Variants in SON observed in about 807,000 individuals in gnomAD.
SON encodes the protein protein SON.
In SON, 4 loss-of-function variants were observed where a neutral mutation model predicts 173.3. The observed-to-expected ratio is 0.02, with a 90% CI of 0.01 to 0.05. The LOEUF (loss-of-function observed/expected upper bound fraction) is 0.05. SON is among the 10% of genes least tolerant of loss of function. The probability of loss-of-function intolerance (pLI) is 1.00; values close to 1 mark genes in which losing one functional copy is unlikely to be tolerated. For missense variants in SON, 2,626 were observed against 3,055.3 expected (o/e 0.86, Z 3.31); for synonymous variants, 1,190 against 1,105.9 (o/e 1.08, Z -1.51).
In SON at chr21:33,554,746, C is replaced by T. The variant is rs2085920003; in HGVS notation, c.5515C>T (p.Arg1839Cys). ...SKSSEHKSRKRTSESRSRARK... is the reference protein window; with the variant it reads ...SKSSEHKSRKCTSESRSRARK... ...ATCTTCTGAACACAAATCACGCAAG[C>T]GTACCAGTGAATCTCGTTCTAGGGC... Residue 1839 changes from arginine to cysteine, a missense_variant, in exon 3 of 12, where the codon CGT (arginine) becomes TGT (cysteine). Arg to Cys is a radical substitution (Grantham distance 180). Coordinates refer to ENST00000356577, the MANE Select transcript of SON (RefSeq NM_138927.4). The T allele has an allele frequency of 1.4e-5, 23 of 1,613,842 alleles. No homozygotes were observed. The highest frequency in any genetic ancestry group is 1.9e-5 in the Non-Finnish European group (22 of 1,180,036).
In SON at chr21:33,552,970, A is replaced by G; in HGVS notation, c.3739A>G (p.Thr1247Ala). ...AGTTTTAGTATCAGAGGCTGCTGTG[A>G]CTGTTCCAGAACCACCACCAGAGCC... ...PSVLVSEAAV[T>A]VPEPPPEPES... Residue 1247 changes from threonine to alanine, a missense_variant, in exon 3 of 12, where the codon ACT becomes GCT. By Grantham distance (58) the Thr-to-Ala change is moderately conservative. Coordinates refer to ENST00000356577, the MANE Select transcript of SON (RefSeq NM_138927.4). The surrounding 1 kb of genome is among the most constrained non-coding windows in gnomAD (Gnocchi z 5.6). 1 of 1,614,162 alleles carries G rather than the reference A, an allele frequency of 6.2e-7. No individual in the cohort carries two copies. The highest frequency in any genetic ancestry group is 8.5e-7 in the Non-Finnish European group (1 of 1,180,008).
chr21:33,550,616 G>A lies in SON; in HGVS notation c.1385G>A (p.Gly462Glu), dbSNP rs746730344. 6.2e-7 allele frequency: 1 copy of A among 1,613,762 alleles called. No individual in the cohort carries two copies. The highest frequency in any genetic ancestry group is 8.5e-7 in the Non-Finnish European group (1 of 1,179,906). The stretch of plus-strand genomic sequence containing the variant: ...CCAGGGCTTCCAGCACCATCCATGG[G>A]GTTGGAGCCACCACAGGAGGTACCA... ...ELPGLPAPSMGLEPPQEVPEP... is the reference protein window; with the variant it reads ...ELPGLPAPSMELEPPQEVPEP... The change falls in exon 3 of 12, where the codon GGG (glycine) becomes GAG (glutamate). Residue 462 changes from glycine to glutamate, a missense_variant. This residue lies in a region of SON where 757 missense variants were observed against 730.1 expected (regional missense o/e 1.04). Coordinates refer to ENST00000356577, the MANE Select transcript of SON (RefSeq NM_138927.4).
In SON at chr21:33,551,422, A is replaced by G. The variant is rs1416371859; in HGVS notation, c.2191A>G (p.Met731Val). The change falls in exon 3 of 12, where the codon ATG (methionine) becomes GTG (valine). Residue 731 changes from methionine to valine, a missense_variant. Transcript: ENST00000356577. The stretch of plus-strand genomic sequence containing the variant: ...GACCCATATATTAGCATCCAACACC[A>G]TGGACTCCCAAATGCTAGCGTCCAA... ...METHILASNT[M>V]DSQMLASNTM... 4.3e-6 allele frequency: 7 copies of G among 1,614,072 alleles called. No individual in the cohort carries two copies. Among genetic ancestry groups the G allele is most frequent in the Admixed American group, 1.7e-5 (1 of 60,018 alleles).
Position 33,559,047 on chromosome 21 carries a change from G to T in SON, c.6322-183G>T. On this transcript the variant is annotated intron_variant, in intron 4 of 11. Transcript: ENST00000356577. The surrounding 1 kb of genome is among the most constrained non-coding windows in gnomAD (Gnocchi z 4.1). The stretch of plus-strand genomic sequence containing the variant: ...ACATAGTAGGTGCTCAATAAATGTT[G>T]TTGACTGACTGACCAGCCAGAGTGT... The T allele has an allele frequency of 2.7e-5, 9 of 328,040 alleles. No individual in the cohort carries two copies. The highest frequency in any genetic ancestry group is 5.5e-5 in the Admixed American group (1 of 18,162). 20.3% of individuals were successfully genotyped at this position (328,040 alleles called of 1,614,324 possible). A position where few individuals can be genotyped will look rare whatever the true frequency, so the allele number is the denominator to read the frequency against.
rs150183857 is a variant in SON at position 33,543,873 on chromosome 21, T to C, written c.77+704T>C. The stretch of plus-strand genomic sequence containing the variant: ...GTGTGTAGGTCTATTATTTTCTTGC[T>C]ACCCCTGCCCCAGTTGACACGCTAT... On this transcript the variant is annotated intron_variant, in intron 1 of 11. Coordinates refer to ENST00000356577, the MANE Select transcript of SON (RefSeq NM_138927.4). 3.3e-5 allele frequency among the ~76,000 whole-genome samples: 5 copies of C among 152,270 alleles called. No individual in the cohort carries two copies. In the East Asian group the frequency reaches 7.7e-4, roughly 24 times the overall value.
Position 33,575,577 on chromosome 21 carries a change from G to C in SON, c.7034-19G>C, listed in dbSNP as rs575544299. On this transcript the variant is annotated intron_variant, in intron 9 of 11. Coordinates refer to ENST00000356577, the MANE Select transcript of SON (RefSeq NM_138927.4). ...AGTGGTGCTTTGAAATTTATTTAGT[G>C]AACAATTTTTTTTTAAAGGTCTTGT... is the stretch of plus-strand genomic sequence containing the variant. 58 of 1,594,886 alleles carry C rather than the reference G, an allele frequency of 3.6e-5. No homozygotes were observed. The South Asian group carries it at 6.4e-4, about 18-fold the overall frequency.
chr21:33,543,455 T>G (rs1302143472), intron 1 of SON: 10 of 439,268 alleles, frequency 2.3e-5, no homozygotes, highest in Non-Finnish European at 4.2e-5. Flanking sequence ...CCCTGCCGTT[T>G]AGCTACTCGT....
rs777323312 is a variant in SON at position 33,551,853 on chromosome 21, A to G, written c.2622A>G (p.Gln874=). The change falls in exon 3 of 12, where the codon CAA becomes CAG. Residue 874 remains glutamine, a synonymous_variant. Transcript: ENST00000356577. ...TAGCATCTGGCACTATGGACTCTCAAATGTTAGCTTCTGGCACCATGGATG... is the reference window on the plus strand; with the variant it reads ...TAGCATCTGGCACTATGGACTCTCAGATGTTAGCTTCTGGCACCATGGATG... ...QMLASGTMDS[Q]MLASGTMDAQ... is the part of the protein sequence containing the mutation. 14 of 1,613,556 alleles carry G rather than the reference A, an allele frequency of 8.7e-6. No individual in the cohort carries two copies. In the East Asian group the frequency reaches 2.2e-4, roughly 26 times the overall value.
Position 33,554,039 on chromosome 21 carries a change from C to T in SON, c.4808C>T (p.Pro1603Leu), listed in dbSNP as rs777872614. ...LSSTGPFALE[P>L]DATGTSKGIE... ...TCTACTGGTCCTTTTGCTCTGGAACCTGATGCAACAGGAACTAGTAAGGGT... is the reference window on the plus strand; with the variant it reads ...TCTACTGGTCCTTTTGCTCTGGAACTTGATGCAACAGGAACTAGTAAGGGT... The change falls in exon 3 of 12, where the codon CCT becomes CTT. Residue 1603 changes from proline to leucine, a missense_variant. Coordinates refer to ENST00000356577, the MANE Select transcript of SON (RefSeq NM_138927.4). 40 of 1,613,974 alleles carry T rather than the reference C, an allele frequency of 2.5e-5. No individual in the cohort carries two copies. The highest frequency in any genetic ancestry group is 3.2e-5 in the Non-Finnish European group (38 of 1,180,024).
rs2086386326 is a variant in SON at position 33,575,774 on chromosome 21, G to A, written c.7106-4G>A. On this transcript the variant is annotated splice_region_variant and splice_polypyrimidine_tract_variant and intron_variant, in intron 10 of 11. Coordinates refer to ENST00000356577, the MANE Select transcript of SON (RefSeq NM_138927.4). Reference sequence around the variant, plus strand: ...TTAAAACTGGGTATTTCTCCCCCCTGCAGGCAAACATCCTGTGTCTGCTTT... The same window carrying A: ...TTAAAACTGGGTATTTCTCCCCCCTACAGGCAAACATCCTGTGTCTGCTTT... 1.3e-6 allele frequency: 2 copies of A among 1,592,110 alleles called. No individual in the cohort carries two copies. Among genetic ancestry groups the A allele is most frequent in the Non-Finnish European group, 1.7e-6 (2 of 1,162,492 alleles).
chr21:33,560,162 G>A, intron 6 of SON: 1 of 1,596,696 alleles, frequency 6.3e-7, no homozygotes, highest in Non-Finnish European at 8.5e-7. Context: ...ATTGATCGGA[G>A]AGGGCAGATC....
Position 33,575,623 on chromosome 21 carries a change from A to T in SON, c.7061A>T (p.Gln2354Leu), listed in dbSNP as rs1206679651. The stretch of plus-strand genomic sequence containing the variant: ...CTTGTTGCAGTAGGAGAAAGAGCAC[A>T]AAAGAGGTCTGGGAACTTCTCTGCT... ...KGLVAVGERA[Q>L]KRSGNFSAAM... The change falls in exon 10 of 12, where the codon CAA becomes CTA. Residue 2354 changes from glutamine (Q) to leucine (L), a missense_variant. Transcript: ENST00000356577. The T allele has an allele frequency of 3.1e-6, 5 of 1,612,296 alleles. No homozygotes were observed. The South Asian group carries it at 5.5e-5, about 18-fold the overall frequency.
Position 33,567,210 on chromosome 21 carries a change from C to G in SON, c.6711C>G (p.Leu2237=), listed in dbSNP as rs1160342879. 3.7e-6 allele frequency: 6 copies of G among 1,612,028 alleles called. No homozygotes were observed. Among genetic ancestry groups the G allele is most frequent in the Non-Finnish European group, 5.1e-6 (6 of 1,178,408 alleles). ...AACGGGCACTTGCTCAGAAAAGACT[C>G]AGTGAGAATGCATTTGATCTTGAAG... ...MSERALAQKR[L]SENAFDLEAM... Residue 2237 remains leucine, a synonymous_variant, in exon 7 of 12, where the codon CTC becomes CTG. Coordinates refer to ENST00000356577, the MANE Select transcript of SON (RefSeq NM_138927.4).
In SON at chr21:33,574,026, A is replaced by T. The variant is rs1601300517; in HGVS notation, c.7033+571A>T. Among the ~76,000 whole-genome samples, 3 of 152,104 alleles carry T rather than the reference A, an allele frequency of 2.0e-5. No individual in the cohort carries two copies. In the South Asian group the frequency reaches 6.2e-4, roughly 32 times the overall value. On this transcript the variant is annotated intron_variant, in intron 9 of 11. Coordinates refer to ENST00000356577, the MANE Select transcript of SON (RefSeq NM_138927.4). Reference sequence around the variant, plus strand: ...TCTTGGAACTGTTAGCATTGACTGTATTTTCCTTTTACCTTCAGATACCTG... The same window carrying T: ...TCTTGGAACTGTTAGCATTGACTGTTTTTTCCTTTTACCTTCAGATACCTG...
chr21:33,562,475 A>G (rs183334954), intron 6 of SON, among the ~76,000 whole-genome samples: 113 of 152,308 alleles, frequency 7.4e-4, no homozygotes, highest in African/African-American at 2.6e-3. Flanking sequence ...TTTTATCTCC[A>G]TAAGAGGGCT....
Position 33,553,319 on chromosome 21 carries a change from C to T in SON, c.4088C>T (p.Ser1363Leu), listed in dbSNP as rs747766069. 9 of 1,583,176 alleles carry T rather than the reference C, an allele frequency of 5.7e-6. No individual in the cohort carries two copies. Among genetic ancestry groups the T allele is most frequent in the South Asian group, 3.3e-5 (3 of 90,116 alleles). ...TCAGCTATGGCTGTCCTGGAGTCTT[C>T]GGCTGTGACCGTCCTGGAGTCTTCG... ...ESSAMAVLES[S>L]AVTVLESSTV... The change falls in exon 3 of 12, where the codon TCG becomes TTG. Residue 1363 changes from serine to leucine, a missense_variant. By Grantham distance (145) the Ser-to-Leu change is moderately radical. Transcript: ENST00000356577.
At chr21:33,568,852 A>C in intron 7 of SON, 119 bp from the exon 8 acceptor site, 1 of 611,594 alleles carries the variant, frequency 1.6e-6, no homozygotes, top group Middle Eastern at 4.6e-4. Context: ...TTAATGTTAA[A>C]TATGTTTTAA....
At position 33,553,071 on chromosome 21, in the gene SON, A is replaced by G. The variant is rs1455279004; in HGVS notation, c.3840A>G (p.Pro1280=). The G allele has an allele frequency of 1.9e-6, 3 of 1,614,088 alleles. No homozygotes were observed. Among genetic ancestry groups the G allele is most frequent in the Admixed American group, 1.7e-5 (1 of 60,012 alleles). ...AACATGAAGTTGTTCCAGAGAGACCAGTGACTTGTATGGTATCTGAAACTC... is the reference window on the plus strand; with the variant it reads ...AACATGAAGTTGTTCCAGAGAGACCGGTGACTTGTATGGTATCTGAAACTC... ...AEEHEVVPER[P]VTCMVSETPA... is the part of the protein sequence containing the mutation. The change falls in exon 3 of 12, where the codon CCA becomes CCG. Residue 1280 remains proline, a synonymous_variant. Transcript: ENST00000356577.
In SON at chr21:33,553,561, A is replaced by G. The variant is rs369207604; in HGVS notation, c.4330A>G (p.Thr1444Ala). The G allele has an allele frequency of 1.1e-5, 17 of 1,614,030 alleles. No homozygotes were observed. In the African/African-American group the frequency reaches 1.2e-4, roughly 11 times the overall value. ...ACCATCTGTTTCTGTCCAGGAATCGACTGTGACAGTTTCAGAGCCTGCTGT... is the reference window on the plus strand; with the variant it reads ...ACCATCTGTTTCTGTCCAGGAATCGGCTGTGACAGTTTCAGAGCCTGCTGT... ...SEPSVSVQES[T>A]VTVSEPAVTV... The change falls in exon 3 of 12, where the codon ACT (threonine) becomes GCT (alanine). Residue 1444 changes from threonine to alanine, a missense_variant. Coordinates refer to ENST00000356577, the MANE Select transcript of SON (RefSeq NM_138927.4).
Sources: allele counts gnomAD v4.1 joint callset (sites outside exome capture counted in the v4.1 genomes callset), GRCh38; gene constraint gnomAD v4.1.1; regional missense constraint gnomAD v4.1.1; non-coding constraint Gnocchi (gnomAD v3.1); transcripts MANE v1.5; gene names NCBI Gene and HGNC (gene_info 2026-07-23, HGNC 2026-07-21).